The following DGKB variants were observed in gnomAD, a reference collection of about 807,000 sequenced individuals.
DGKB encodes 90 kDa diacylglycerol kinase.
Under a neutral mutation model 114.3 loss-of-function variants are expected in DGKB, and 67 were observed. That is an observed-to-expected ratio of 0.59 (90% CI 0.48 to 0.72). The LOEUF is 0.72. Among genes scored for constraint, DGKB ranks in the 30% least tolerant of loss-of-function variants. The pLI, the probability that DGKB is intolerant of heterozygous loss-of-function variation, is 0.00. For missense variants in DGKB, 907 were observed against 975.2 expected (o/e 0.93, Z 0.93); for synonymous variants, 398 against 323.1 (o/e 1.23, Z -2.49).
chr7:14,649,559 C>T (rs1016911734), intron 13 of DGKB, among the ~76,000 whole-genome samples: 4 of 152,038 alleles, frequency 2.6e-5, no homozygotes, highest in African/African-American at 9.7e-5. Flanking sequence ...ATGTAAAGAC[C>T]ATCAACACTA....
At chr7:14,866,529 T>G (rs1851736881) in intron 1 of DGKB, among the ~76,000 whole-genome samples, 1 of 152,208 alleles carries the variant, frequency 6.6e-6, no homozygotes, top group African/African-American at 2.4e-5. Flanking sequence ...TAATTTGCAT[T>G]TAAGTTTCCT....
intron 21 of DGKB, among the ~76,000 whole-genome samples, chr7:14,390,990 A>G (rs1320453611): frequency 3.3e-5 from 5 of 152,178 alleles, no homozygotes; most frequent in African/African-American, 9.6e-5. Context: ...TTCAATTGCC[A>G]GAAAGTTTGT....
chr7:14,439,526 C>T (rs1211246251), intron 21 of DGKB, among the ~76,000 whole-genome samples: 1 of 152,058 alleles, frequency 6.6e-6, no homozygotes. Flanking sequence ...TGGCATTCAT[C>T]ATGTCCATGA....
At chr7:14,857,252 G>GTT in intron 1 of DGKB, among the ~76,000 whole-genome samples, 1 of 130,512 alleles carries the variant, frequency 7.7e-6, no homozygotes, top group South Asian at 2.7e-4. Context: ...CCCCTGCTGT[G>GTT]TGTGTTTGTG....
intron 3 of DGKB, 104 bp downstream of exon 3, chr7:14,757,551 T>C: frequency 3.2e-6 from 2 of 631,528 alleles, no homozygotes; most frequent in Non-Finnish European, 5.5e-6. Context: ...TGTGTACATA[T>C]ACATACACAC....
At chr7:14,318,967 A>G (rs1199254531) in intron 23 of DGKB, among the ~76,000 whole-genome samples, 1 of 152,036 alleles carries the variant, frequency 6.6e-6, no homozygotes. Context: ...ATAAAAAATG[A>G]TGCGTTCATG....
chr7:14,600,997 T>C (rs1160294596), intron 17 of DGKB, among the ~76,000 whole-genome samples: 2 of 152,182 alleles, frequency 1.3e-5, no homozygotes, highest in Non-Finnish European at 2.9e-5. Context: ...TGCAGGGGCC[T>C]GAACCATGTA....
chr7:14,643,392 T>C (rs1206328084), intron 13 of DGKB, among the ~76,000 whole-genome samples: 1 of 152,116 alleles, frequency 6.6e-6, no homozygotes, highest in African/African-American at 2.4e-5. Flanking sequence ...CCTACACTCC[T>C]GGGACCAAAG....
chr7:14,622,992 A>G (rs932047791), intron 14 of DGKB, among the ~76,000 whole-genome samples: 2 of 152,130 alleles, frequency 1.3e-5, no homozygotes, highest in African/African-American at 4.8e-5. Flanking sequence ...TATTTATCTG[A>G]TTTGTTTAAT....
chr7:14,795,760 G>A (rs1011472195), intron 2 of DGKB, among the ~76,000 whole-genome samples: 10 of 152,172 alleles, frequency 6.6e-5, no homozygotes, highest in Middle Eastern at 3.4e-3. Flanking sequence ...GTTGACCTAT[G>A]GACCTATGGA....
chr7:14,382,983 G>A (rs138977300), intron 21 of DGKB, among the ~76,000 whole-genome samples: 336 of 152,252 alleles, frequency 2.2e-3, no homozygotes, highest in African/African-American at 7.2e-3. Context: ...GGCGAGAAAC[G>A]GAATAACCTC....
chr7:14,970,335 G>T (rs890101636), intron 1 of DGKB, among the ~76,000 whole-genome samples: 4 of 151,838 alleles, frequency 2.6e-5, no homozygotes, highest in Admixed American at 2.6e-4. Context: ...TCCTAAGAGG[G>T]AACTAGACAA....
At chr7:14,466,017 A>G (rs1780418757) in intron 21 of DGKB, among the ~76,000 whole-genome samples, 1 of 151,852 alleles carries the variant, frequency 6.6e-6, no homozygotes, top group Admixed American at 6.5e-5. Context: ...AACAGAAATG[A>G]GCCATCAACA....
At chr7:14,291,985 A>ATT (rs1011966647) in intron 23 of DGKB, among the ~76,000 whole-genome samples, 1 of 151,162 alleles carries the variant, frequency 6.6e-6, no homozygotes, top group African/African-American at 2.4e-5. Flanking sequence ...CTCCTTTTCA[A>ATT]TTTTTTTTTC....
At chr7:14,654,483 A>G (rs902793370) in intron 13 of DGKB, among the ~76,000 whole-genome samples, 27 of 152,036 alleles carry the variant, frequency 1.8e-4, no homozygotes, top group African/African-American at 6.5e-4. Context: ...TATAGATTCA[A>G]TGTAATCCCT....
At chr7:14,271,294 T>A (rs1562798306) in intron 23 of DGKB, among the ~76,000 whole-genome samples, 1 of 152,204 alleles carries the variant, frequency 6.6e-6, no homozygotes, top group Non-Finnish European at 1.5e-5. Context: ...TGTTGCTCAC[T>A]ATTTTTATGA....
At chr7:14,304,354 T>C (rs1431535665) in intron 23 of DGKB, among the ~76,000 whole-genome samples, 2 of 152,074 alleles carry the variant, frequency 1.3e-5, no homozygotes, top group Admixed American at 1.3e-4. Flanking sequence ...GTTTTATAGA[T>C]TTTTTTATTG....
intron 20 of DGKB, among the ~76,000 whole-genome samples, chr7:14,571,341 A>T (rs1435542926): frequency 6.6e-6 from 1 of 152,208 alleles, no homozygotes; most frequent in Non-Finnish European, 1.5e-5. Context: ...TTGAAATGGA[A>T]GCCAGAAAAT....
chr7:14,564,662 T>G (rs144880565), intron 20 of DGKB, among the ~76,000 whole-genome samples: 2 of 152,324 alleles, frequency 1.3e-5, no homozygotes, highest in East Asian at 1.9e-4. Flanking sequence ...TCTTTATAGA[T>G]GCATCTTCAC....
Sources: gnomAD v4.1 joint callset for allele counts (sites outside exome capture counted in the v4.1 genomes callset) on GRCh38, gnomAD v4.1.1 for gene constraint, MANE v1.5 for transcripts, NCBI Gene and HGNC (gene_info 2026-07-23, HGNC 2026-07-21) for gene names.